RAPGEF6: variants seen among roughly 807,000 people sequenced by gnomAD.
The protein encoded by RAPGEF6 is Rap guanine nucleotide exchange factor 6, also known as PDZ domain containing guanine nucleotide exchange factor (GEF) 2.
Under a neutral mutation model 171.4 loss-of-function variants are expected in RAPGEF6, and 56 were observed. The observed-to-expected ratio is 0.33, with a 90% CI of 0.26 to 0.41. RAPGEF6 has a LOEUF of 0.41. RAPGEF6 is among the 10% of genes least tolerant of loss of function. RAPGEF6 has a pLI of 1.00. For synonymous variants in RAPGEF6, 692 were observed against 650.1 expected (o/e 1.06, Z -0.98); for missense variants, 1,674 against 1,921.4 (o/e 0.87, Z 2.41).
In RAPGEF6 at chr5:131,549,033, C is replaced by T. The variant is rs114545788; in HGVS notation, c.352-843G>A. On this transcript the variant is annotated intron_variant, in intron 5 of 27. Coordinates refer to ENST00000509018, the MANE Select transcript of RAPGEF6 (RefSeq NM_016340.6). ...TAGCTATGACTGCACAACTGCACTC[C>T]AGCCTGGGCGACAGGACAAAAACCC... Among the ~76,000 whole-genome samples, 708 of 151,976 alleles carry T rather than the reference C, an allele frequency of 4.7e-3. 5 individuals carry two copies. The highest frequency in any genetic ancestry group is 0.015 in the African/African-American group (640 of 41,426).
chr5:131,504,652 T>C lies in RAPGEF6; in HGVS notation c.1228A>G (p.Thr410Ala), dbSNP rs754415291. Residue 410 changes from threonine (T) to alanine (A), a missense_variant, in exon 11 of 28, where the codon ACC (threonine) becomes GCC (alanine). By Grantham distance (58) the Thr-to-Ala change is moderately conservative (BLOSUM62 0). This residue lies in a region of RAPGEF6 where 1,116 missense variants were observed against 1,321.5 expected (regional missense o/e 0.84). Coordinates refer to ENST00000509018, the MANE Select transcript of RAPGEF6 (RefSeq NM_016340.6). ...HEHRELDRSG[T>A]RKGHIVIKAT... Reference sequence around the variant, plus strand: ...TTGATCACAATGTGTCCTTTCCTGGTTCCACTCCGGTCTAGTTCCCGATGC... The same window carrying C: ...TTGATCACAATGTGTCCTTTCCTGGCTCCACTCCGGTCTAGTTCCCGATGC... 6.2e-7 allele frequency: 1 copy of C among 1,611,248 alleles called. No homozygotes were observed. The highest frequency in any genetic ancestry group is 2.2e-5 in the East Asian group (1 of 44,804).
intron 9 of RAPGEF6, among the ~76,000 whole-genome samples, chr5:131,507,166 T>C (rs1757422950): frequency 2.1e-5 from 2 of 93,928 alleles, no homozygotes; most frequent in Admixed American, 2.5e-4. Context: ...ATAATATATG[T>C]AATATTATAT....
At chr5:131,545,181 C>T (rs578251388) in intron 6 of RAPGEF6, among the ~76,000 whole-genome samples, 1 of 152,036 alleles carries the variant, frequency 6.6e-6, no homozygotes, top group African/African-American at 2.4e-5. Context: ...TTATACAAAG[C>T]AATGTACAAC....
intron 6 of RAPGEF6, among the ~76,000 whole-genome samples, chr5:131,535,039 G>A (rs2149930801): frequency 6.6e-6 from 1 of 152,168 alleles, no homozygotes; most frequent in East Asian, 1.9e-4. Flanking sequence ...TGTGAGAAAT[G>A]CAATCCACTA....
intron 12 of RAPGEF6, among the ~76,000 whole-genome samples, chr5:131,496,119 AT>A (rs2149878333): frequency 6.6e-6 from 1 of 152,272 alleles, no homozygotes; most frequent in South Asian, 2.1e-4. Context: ...AGCAAGGAGG[AT>A]CCCTTGAGTC....
At chr5:131,551,437 G>A (rs923971040) in intron 5 of RAPGEF6, among the ~76,000 whole-genome samples, 7 of 151,698 alleles carry the variant, frequency 4.6e-5, no homozygotes, top group African/African-American at 7.3e-5. Flanking sequence ...ACTTCAAACC[G>A]GGCGGCAGAG....
At chr5:131,442,233 C>T (rs1420653043) in intron 23 of RAPGEF6, 116 bp downstream of exon 23, 20 of 987,772 alleles carry the variant, frequency 2.0e-5, no homozygotes, top group Admixed American at 3.4e-5. Flanking sequence ...CATAAAGTGA[C>T]GATTATATTA....
At chr5:131,459,387 A>T (rs929589645) in intron 19 of RAPGEF6, among the ~76,000 whole-genome samples, 1 of 152,210 alleles carries the variant, frequency 6.6e-6, no homozygotes, top group East Asian at 1.9e-4. Flanking sequence ...TAACCTTATT[A>T]GGTAGGAACT....
At chr5:131,433,095 CAA>C (rs995055955) in intron 25 of RAPGEF6, among the ~76,000 whole-genome samples, 1 of 152,094 alleles carries the variant, frequency 6.6e-6, no homozygotes, top group Non-Finnish European at 1.5e-5. Context: ...AGGCACTTTC[CAA>C]AACACAACCT....
chr5:131,432,520 A>C (rs892757211), intron 25 of RAPGEF6, among the ~76,000 whole-genome samples: 6 of 152,136 alleles, frequency 3.9e-5, no homozygotes, highest in Admixed American at 1.3e-4. Context: ...CGGGAGGCTG[A>C]GGCAGGAGAA....
At chr5:131,541,514 T>C (rs562797185) in intron 6 of RAPGEF6, among the ~76,000 whole-genome samples, 1 of 152,242 alleles carries the variant, frequency 6.6e-6, no homozygotes, top group South Asian at 2.1e-4. Flanking sequence ...ATTTTTCTTT[T>C]TACTTTTTTT....
chr5:131,523,916 G>GA (rs937893675), intron 6 of RAPGEF6, among the ~76,000 whole-genome samples: 2 of 151,590 alleles, frequency 1.3e-5, no homozygotes, highest in African/African-American at 4.9e-5. Flanking sequence ...AAGTAGCCAG[G>GA]AAAAAAAACC....
intron 4 of RAPGEF6, among the ~76,000 whole-genome samples, chr5:131,572,684 T>A (rs180922028): frequency 6.6e-6 from 1 of 152,268 alleles, no homozygotes; most frequent in East Asian, 1.9e-4. Context: ...CATTTCTCCA[T>A]GTCTCTACCT....
chr5:131,553,222 T>C (rs1761031161), intron 5 of RAPGEF6, among the ~76,000 whole-genome samples: 1 of 152,146 alleles, frequency 6.6e-6, no homozygotes, highest in African/African-American at 2.4e-5. Context: ...CTGAGAATAA[T>C]CTTCCAGCAA....
intron 1 of RAPGEF6, among the ~76,000 whole-genome samples, chr5:131,617,598 G>A (rs1426340388): frequency 3.9e-5 from 6 of 152,082 alleles, no homozygotes; most frequent in Non-Finnish European, 4.4e-5. Context: ...GATTACAGGC[G>A]CCCACCACCA....
intron 1 of RAPGEF6, among the ~76,000 whole-genome samples, chr5:131,620,357 A>C (rs916542324): frequency 2.0e-5 from 3 of 152,214 alleles, no homozygotes; most frequent in Non-Finnish European, 2.9e-5. Context: ...TATATGTTCT[A>C]CTGGACACTG....
chr5:131,622,967 G>GT (rs1765680648), intron 1 of RAPGEF6, among the ~76,000 whole-genome samples: 1 of 152,096 alleles, frequency 6.6e-6, no homozygotes, highest in Admixed American at 6.6e-5. Flanking sequence ...TCTAAATTCT[G>GT]TAACAGATTA....
intron 6 of RAPGEF6, among the ~76,000 whole-genome samples, chr5:131,541,045 C>T (rs1000364146): frequency 2.6e-5 from 4 of 152,144 alleles, no homozygotes; most frequent in Admixed American, 6.6e-5. Context: ...AATGAAACAA[C>T]GAACATTATA....
chr5:131,497,758 A>T (rs1359556979), intron 12 of RAPGEF6, among the ~76,000 whole-genome samples: 1 of 152,238 alleles, frequency 6.6e-6, no homozygotes, highest in Non-Finnish European at 1.5e-5. Context: ...TTCCTTTAAA[A>T]TATAACTCAA....
Sources: allele counts gnomAD v4.1 joint callset (sites outside exome capture counted in the v4.1 genomes callset), GRCh38; gene constraint gnomAD v4.1.1; regional missense constraint gnomAD v4.1.1; transcripts MANE v1.5; gene names NCBI Gene and HGNC (gene_info 2026-07-23, HGNC 2026-07-21).